Variants in ORC1 observed in about 807,000 individuals in gnomAD.
The protein encoded by ORC1 is origin recognition complex subunit 1.
ORC1 carries 61 observed loss-of-function variants against 98.9 expected under a neutral mutation model. The observed-to-expected ratio is 0.62, with a 90% confidence interval of 0.50 to 0.76. The LOEUF (loss-of-function observed/expected upper bound fraction) is 0.76. Among genes scored for constraint, ORC1 ranks in the 30% least tolerant of loss-of-function variants. The probability of loss-of-function intolerance (pLI) is 0.00; values close to 1 mark genes in which losing one functional copy is unlikely to be tolerated. For missense variants in ORC1, 979 were observed against 1,072.2 expected, an observed-to-expected ratio of 0.91 and a Z score of 1.21; for synonymous variants, 385 against 406.9, an observed-to-expected ratio of 0.95 and a Z score of 0.65.
chr1:52,389,221 G>T lies in ORC1; in HGVS notation c.1183C>A (p.Leu395Ile), dbSNP rs1466817992. 1 of 1,611,940 alleles carries T rather than the reference G, an allele frequency of 6.2e-7. No individual in the cohort carries two copies. Among genetic ancestry groups the T allele is most frequent in the African/African-American group, 1.3e-5 (1 of 74,882 alleles). ...VLTMNRIRQQ[L>I]RFLGNSKSDQ... Reference sequence around the variant, plus strand: ...CCTGCCAAGGAGTAGTCTTACCGAAGCTGCTGCCTAATCCGATTCATAGTC... The same window carrying T: ...CCTGCCAAGGAGTAGTCTTACCGAATCTGCTGCCTAATCCGATTCATAGTC... The change falls in exon 7 of 17, where the codon CTT becomes ATT. Residue 395 changes from leucine (L) to isoleucine (I), a missense_variant. Coordinates refer to ENST00000371568, the MANE Select transcript of ORC1 (RefSeq NM_004153.4).
chr1:52,396,259 A>C lies in ORC1; in HGVS notation c.508T>G (p.Ser170Ala). 6.2e-7 allele frequency: 1 copy of C among 1,614,204 alleles called. No individual in the cohort carries two copies. Among genetic ancestry groups the C allele is most frequent in the East Asian group, 2.2e-5 (1 of 44,880 alleles). The change falls in exon 5 of 17, where the codon TCA becomes GCA. Residue 170 changes from serine (S) to alanine (A), a missense_variant. Physicochemically the swap from Ser to Ala is moderately conservative, Grantham distance 99 (BLOSUM62 1). Coordinates refer to ENST00000371568, the MANE Select transcript of ORC1 (RefSeq NM_004153.4). ...WNEKKFRPLSSELFAELNKPQ... is the reference protein window; with the variant it reads ...WNEKKFRPLSAELFAELNKPQ... ...TTATTCAACTCCGCAAATAGTTCTG[A>C]GGAAAGTGGCCTGAATTTCTTCTCA...
intron 14 of ORC1, among the ~76,000 whole-genome samples, chr1:52,376,948 CG>C: frequency 6.6e-6 from 1 of 152,276 alleles, no homozygotes; most frequent in East Asian, 1.9e-4. Flanking sequence ...TCACGCAGAA[CG>C]GATGGCAGGA....
Position 52,400,741 on chromosome 1 carries a change from G to A in ORC1, c.223+621C>T, listed in dbSNP as rs866786588. Among the ~76,000 whole-genome samples, 10 of 152,338 alleles carry A rather than the reference G, an allele frequency of 6.6e-5. No individual in the cohort carries two copies. The Middle Eastern group carries it at 0.01, about 155-fold the overall frequency. The stretch of plus-strand genomic sequence containing the variant: ...CAGCAAATCAGCTAAGGCTTTCGAT[G>A]TGGGCTTGTAGGCTCTGGTTGATGC... On this transcript the variant is annotated intron_variant, in intron 3 of 16. Coordinates refer to ENST00000371568, the MANE Select transcript of ORC1 (RefSeq NM_004153.4).
intron 14 of ORC1, among the ~76,000 whole-genome samples, chr1:52,377,070 T>C (rs536954678): frequency 1.3e-5 from 2 of 152,336 alleles, no homozygotes; most frequent in East Asian, 1.9e-4. Context: ...ATGCCCAGGC[T>C]GGAGTGCAGT....
intron 5 of ORC1, 97 bp downstream of exon 5, chr1:52,395,949 T>C: frequency 1.3e-6 from 2 of 1,560,646 alleles, no homozygotes; most frequent in Non-Finnish European, 1.7e-6. Context: ...TATAGTGCAC[T>C]GTGATCACTA....
At position 52,393,584 on chromosome 1, in the gene ORC1, T is replaced by A. The variant is rs1444312826; in HGVS notation, c.941A>T (p.His314Leu). 1.9e-6 allele frequency: 3 copies of A among 1,614,130 alleles called. No individual in the cohort carries two copies. The highest frequency in any genetic ancestry group is 2.5e-6 in the Non-Finnish European group (3 of 1,180,052). The change falls in exon 6 of 17, where the codon CAT becomes CTT. Residue 314 changes from histidine to leucine, a missense_variant. By Grantham distance (99) the His-to-Leu change is moderately conservative (BLOSUM62 -3). Transcript: ENST00000371568. ...AATTCGGGTTCTCAGGATTATGCGA[T>A]GTTCAGGTGAAGCCTTCTTGTCATC... ...TEDDKKASPE[H>L]RIILRTRIAA...
At chr1:52,378,132 G>A (rs923153394) in intron 14 of ORC1, among the ~76,000 whole-genome samples, 1 of 152,030 alleles carries the variant, frequency 6.6e-6, no homozygotes. Flanking sequence ...AGATCACGAG[G>A]TCAGGAGATA....
At position 52,373,331 on chromosome 1, in the gene ORC1, C is replaced by T. The variant is rs776580786; in HGVS notation, c.2436G>A (p.Pro812=). ...CCATGGTCTCTGACATGGTGGGGTA[C>T]GGCAGTCCCTCCATTCTGCACAGTG... ...HVALCRMEGL[P]YPTMSETMAV... is the part of the protein sequence containing the mutation. The change falls in exon 17 of 17, where the codon CCG becomes CCA. Residue 812 remains proline, a synonymous_variant. Transcript: ENST00000371568. The T allele has an allele frequency of 5.2e-5, 84 of 1,613,968 alleles. No homozygotes were observed. In the Admixed American group the frequency reaches 1.2e-3, roughly 23 times the overall value.
Position 52,385,913 on chromosome 1 carries a change from T to C in ORC1, c.1420A>G (p.Ile474Val). ...PRTPRCAAPQIRSRSLAAQEP... is the reference protein window; with the variant it reads ...PRTPRCAAPQVRSRSLAAQEP... ...TGGGCAGCCAGGCTTCGACTACGGA[T>C]CTGAGGAGCGGCACAACGTGGCGTT... The change falls in exon 9 of 17, where the codon ATC becomes GTC. Residue 474 changes from isoleucine to valine, a missense_variant. Ile to Val is a conservative substitution (Grantham distance 29). Transcript: ENST00000371568. The C allele has an allele frequency of 6.2e-7, 1 of 1,613,802 alleles. No individual in the cohort carries two copies. The highest frequency in any genetic ancestry group is 8.5e-7 in the Non-Finnish European group (1 of 1,180,018).
chr1:52,391,312 CAA>C (rs57169076), intron 6 of ORC1, among the ~76,000 whole-genome samples: 8 of 70,154 alleles, frequency 1.1e-4, no homozygotes, highest in Admixed American at 1.6e-4. Flanking sequence ...GACTCCATCT[CAA>C]AAAAAAAAAA....
chr1:52,384,325 T>C (rs530359603), intron 11 of ORC1, among the ~76,000 whole-genome samples: 8 of 152,306 alleles, frequency 5.3e-5, no homozygotes, highest in South Asian at 2.1e-4. Flanking sequence ...GTTTTCACCA[T>C]GTGGGTAAGT....
In ORC1 at chr1:52,388,559, G is replaced by A. The variant is rs764468521; in HGVS notation, c.1266C>T (p.Asp422=). 33 of 1,613,922 alleles carry A rather than the reference G, an allele frequency of 2.0e-5. No homozygotes were observed. The highest frequency in any genetic ancestry group is 1.7e-4 in the Admixed American group (10 of 59,998). ...PAAEISDSSS[D]EEEASTPPLP... Reference sequence around the variant, plus strand: ...GGGGCGGTGTGGAAGCCTCTTCTTCGTCACTGCTAGAGTCTGAAATCTCTG... The same window carrying A: ...GGGGCGGTGTGGAAGCCTCTTCTTCATCACTGCTAGAGTCTGAAATCTCTG... Residue 422 remains aspartate, a synonymous_variant, in exon 8 of 17, where the codon GAC becomes GAT. Transcript: ENST00000371568.
intron 5 of ORC1, among the ~76,000 whole-genome samples, chr1:52,395,289 T>C (rs1647342977): frequency 6.6e-6 from 1 of 152,134 alleles, no homozygotes; most frequent in African/African-American, 2.4e-5. Flanking sequence ...CATATAGGTA[T>C]ACATATATGT....
chr1:52,401,764 T>G (rs191206277), intron 2 of ORC1, among the ~76,000 whole-genome samples: 1 of 152,212 alleles, frequency 6.6e-6, no homozygotes, highest in Non-Finnish European at 1.5e-5. Context: ...ACAACAAATG[T>G]TTCCCAAGGC....
chr1:52,384,449 T>C (rs1569922496), intron 11 of ORC1, 101 bp downstream of exon 11: 1 of 1,035,758 alleles, frequency 9.7e-7, no homozygotes, highest in South Asian at 1.3e-5. Flanking sequence ...ATGCCTGGTA[T>C]ATCATGAACA....
At chr1:52,386,818 G>A (rs904621930) in intron 8 of ORC1, among the ~76,000 whole-genome samples, 5 of 152,044 alleles carry the variant, frequency 3.3e-5, no homozygotes, top group African/African-American at 4.8e-5. Flanking sequence ...AGGCATGATG[G>A]CACACTCCTG....
At chr1:52,393,998 T>C (rs950320408) in intron 5 of ORC1, among the ~76,000 whole-genome samples, 195 bp from the exon 6 acceptor site, 22 of 152,220 alleles carry the variant, frequency 1.4e-4, no homozygotes, top group Non-Finnish European at 8.8e-5. Context: ...TTAGGAGTGA[T>C]TTTCCTAGTT....
intron 13 of ORC1, among the ~76,000 whole-genome samples, chr1:52,382,626 C>G (rs1647086942): frequency 7.3e-6 from 1 of 137,484 alleles, no homozygotes; most frequent in African/African-American, 2.8e-5. Flanking sequence ...GTTGCCCAGG[C>G]TGGAGTGCAG....
intron 5 of ORC1, 138 bp downstream of exon 5, chr1:52,395,907 AT>A: frequency 3.5e-6 from 5 of 1,426,578 alleles, no homozygotes; most frequent in Non-Finnish European, 4.8e-6. Context: ...AGGCAGAAGG[AT>A]TGCTTGAGCA....
Sources: gnomAD v4.1 joint callset for allele counts (sites outside exome capture counted in the v4.1 genomes callset) on GRCh38, gnomAD v4.1.1 for gene constraint, MANE v1.5 for transcripts, NCBI Gene and HGNC (gene_info 2026-07-23, HGNC 2026-07-21) for gene names.